Variants in DDX10 observed in about 807,000 individuals in gnomAD.
DDX10 encodes the protein probable ATP-dependent RNA helicase DDX10.
Under a neutral mutation model 104.3 loss-of-function variants are expected in DDX10, and 74 were observed. That is an observed-to-expected ratio of 0.71 (90% confidence interval 0.59 to 0.86). The LOEUF (loss-of-function observed/expected upper bound fraction) is 0.86, where lower values mean the gene tolerates loss of function less well. Ranked by LOEUF, DDX10 falls within the 40% of genes least tolerant of loss-of-function variation. The probability of loss-of-function intolerance (pLI) is 0.00; values close to 1 mark genes in which losing one functional copy is unlikely to be tolerated. For synonymous variants in DDX10, 351 were observed against 353.4 expected (o/e 0.99, Z 0.08); for missense variants, 952 against 1,040.0 (o/e 0.92, Z 1.16).
intron 16 of DDX10, among the ~76,000 whole-genome samples, chr11:108,883,295 G>C (rs996498231): frequency 6.6e-6 from 1 of 152,048 alleles, no homozygotes; most frequent in African/African-American, 2.4e-5. Context: ...TTACTACTGA[G>C]AAAACAGTAG....
At chr11:108,850,286 C>G (rs1400285008) in intron 15 of DDX10, among the ~76,000 whole-genome samples, 2 of 152,036 alleles carry the variant, frequency 1.3e-5, no homozygotes, top group African/African-American at 2.4e-5. Context: ...TTTAAAATAT[C>G]TTTTAATGAC....
At chr11:108,936,916 C>T (rs374636011) in intron 17 of DDX10, among the ~76,000 whole-genome samples, 3 of 152,126 alleles carry the variant, frequency 2.0e-5, no homozygotes, top group Non-Finnish European at 2.9e-5. Flanking sequence ...TTTCCACTCA[C>T]GAGTTTACAT....
chr11:108,883,617 A>G (rs565151974), intron 16 of DDX10, among the ~76,000 whole-genome samples: 2 of 152,258 alleles, frequency 1.3e-5, no homozygotes, highest in South Asian at 4.2e-4. Flanking sequence ...ATTTCCCTTT[A>G]TAGTAAAATG....
At chr11:108,819,477 C>T (rs1019666039) in intron 13 of DDX10, among the ~76,000 whole-genome samples, 5 of 151,902 alleles carry the variant, frequency 3.3e-5, no homozygotes, top group Admixed American at 6.5e-5. Context: ...AACAGTTTTC[C>T]GTTGATATAA....
intron 13 of DDX10, chr11:108,730,124 A>T (rs559917833): frequency 6.6e-6 from 1 of 152,440 alleles, no homozygotes; most frequent in Non-Finnish European, 1.5e-5. Context: ...GGAAAACAAT[A>T]GTCCCTCTCC....
intron 17 of DDX10, among the ~76,000 whole-genome samples, chr11:108,931,112 A>G (rs974006741): frequency 2.6e-5 from 4 of 151,946 alleles, no homozygotes; most frequent in Non-Finnish European, 5.9e-5. Context: ...AGCACCCTGT[A>G]CTCCAGCCTG....
At chr11:108,896,365 T>TC (rs397819257) in intron 16 of DDX10, among the ~76,000 whole-genome samples, 1 of 151,752 alleles carries the variant, frequency 6.6e-6, no homozygotes, top group African/African-American at 2.4e-5. Flanking sequence ...TTTTTTTTTT[T>TC]CTTCCTGCCA....
intron 13 of DDX10, among the ~76,000 whole-genome samples, chr11:108,835,603 A>G (rs1862544099): frequency 1.3e-5 from 2 of 152,360 alleles, no homozygotes; most frequent in East Asian, 1.9e-4. Flanking sequence ...TTAAGGCTAG[A>G]AAGCACTCCA....
chr11:108,751,741 AAACTT>A (rs1363900567), intron 13 of DDX10, among the ~76,000 whole-genome samples: 1 of 152,152 alleles, frequency 6.6e-6, no homozygotes, highest in African/African-American at 2.4e-5. Context: ...AGTTAGTAGA[AAACTT>A]AAGATTCACA....
At chr11:108,744,593 G>T (rs574931299) in intron 13 of DDX10, among the ~76,000 whole-genome samples, 3 of 152,110 alleles carry the variant, frequency 2.0e-5, no homozygotes, top group African/African-American at 7.2e-5. Context: ...CCTCTGCCAT[G>T]TCCCCTCTTA....
intron 13 of DDX10, among the ~76,000 whole-genome samples, chr11:108,765,707 C>T (rs1484649339): frequency 6.6e-6 from 1 of 152,204 alleles, no homozygotes; most frequent in African/African-American, 2.4e-5. Context: ...ACAGGAGCAT[C>T]ACAAAATGAT....
At chr11:108,686,645 T>C (rs763483991) in intron 6 of DDX10, among the ~76,000 whole-genome samples, 8 of 152,358 alleles carry the variant, frequency 5.3e-5, no homozygotes, top group Admixed American at 3.9e-4. Flanking sequence ...ATTCACTTAC[T>C]GAAGGACATC....
chr11:108,875,044 G>A (rs1346337313), intron 16 of DDX10, among the ~76,000 whole-genome samples: 2 of 152,130 alleles, frequency 1.3e-5, no homozygotes, highest in Non-Finnish European at 2.9e-5. Context: ...AGGTACCACA[G>A]CTAAAGTTAA....
At chr11:108,876,596 G>C (rs1863156934) in intron 16 of DDX10, among the ~76,000 whole-genome samples, 1 of 152,132 alleles carries the variant, frequency 6.6e-6, no homozygotes, top group Non-Finnish European at 1.5e-5. Context: ...CTGTGATCTT[G>C]AACAAGTTTC....
chr11:108,803,519 A>C (rs901990574), intron 13 of DDX10, among the ~76,000 whole-genome samples: 9 of 149,004 alleles, frequency 6.0e-5, no homozygotes, highest in African/African-American at 2.2e-4. Flanking sequence ...GCTTGAACCC[A>C]GGAGGCAGAG....
At chr11:108,765,879 ATTG>A (rs1372377455) in intron 13 of DDX10, among the ~76,000 whole-genome samples, 1 of 152,210 alleles carries the variant, frequency 6.6e-6, no homozygotes, top group African/African-American at 2.4e-5. Flanking sequence ...AGAACCTTAA[ATTG>A]TTGTTGAATT....
chr11:108,669,195 G>A (rs977530807), intron 1 of DDX10, among the ~76,000 whole-genome samples: 1 of 151,768 alleles, frequency 6.6e-6, no homozygotes, highest in Non-Finnish European at 1.5e-5. Flanking sequence ...CTGGGCTCAA[G>A]TGACCCACCC....
At position 108,929,841 on chromosome 11, in the gene DDX10, C is replaced by T. The variant is rs546716367; in HGVS notation, c.2451-10405C>T. 7.2e-5 allele frequency: 11 copies of T among 152,220 alleles called. No individual in the cohort carries two copies. In the South Asian group the frequency reaches 2.3e-3, roughly 32 times the overall value. 9.4% of individuals were successfully genotyped at this position (152,220 alleles called of 1,614,324 possible). A position where few individuals can be genotyped will look rare whatever the true frequency, so the allele number is the denominator to read the frequency against. On this transcript the variant is annotated intron_variant, in intron 17 of 17. Transcript: ENST00000322536. ...ATACTAACTCTTTTAAACTATACAT[C>T]TTTTTATTGACTTTCTGCCTAGGAA... is the stretch of plus-strand genomic sequence containing the variant.
chr11:108,674,485 A>G (rs1033568471), intron 2 of DDX10, among the ~76,000 whole-genome samples: 3 of 151,824 alleles, frequency 2.0e-5, no homozygotes, highest in South Asian at 2.1e-4. Flanking sequence ...CTATAGCAGT[A>G]TATATTAAGA....
Sources: allele counts gnomAD v4.1 joint callset (sites outside exome capture counted in the v4.1 genomes callset), GRCh38; gene constraint gnomAD v4.1.1; transcripts MANE v1.5; gene names NCBI Gene and HGNC (gene_info 2026-07-23, HGNC 2026-07-21).